Variants in FSTL5 observed in about 807,000 individuals in gnomAD.
FSTL5 encodes follistatin-related protein 5.
FSTL5 carries 62 observed loss-of-function variants against 89.1 expected under a neutral mutation model. That is an observed-to-expected ratio of 0.70 (90% CI 0.57 to 0.86). The LOEUF (loss-of-function observed/expected upper bound fraction) is 0.86. FSTL5 is among the 40% of genes least tolerant of loss of function. The pLI is 0.00. For missense variants in FSTL5, 1,057 were observed against 1,001.6 expected, an observed-to-expected ratio of 1.06 and a Z score of -0.75; for synonymous variants, 383 against 346.2, an observed-to-expected ratio of 1.11 and a Z score of -1.18.
chr4:161,634,041 T>A (rs1207889049), intron 7 of FSTL5, among the ~76,000 whole-genome samples: 1 of 152,220 alleles, frequency 6.6e-6, no homozygotes, highest in African/African-American at 2.4e-5. Context: ...CAAATCAACA[T>A]TCTTATTCAC....
chr4:162,161,208 A>G (rs1733683488), intron 1 of FSTL5, among the ~76,000 whole-genome samples: 1 of 151,840 alleles, frequency 6.6e-6, no homozygotes, highest in African/African-American at 2.4e-5. Flanking sequence ...AATCCTTTAC[A>G]TTTTACATGA....
intron 15 of FSTL5, among the ~76,000 whole-genome samples, chr4:161,430,728 C>T (rs184938916): frequency 5.6e-4 from 85 of 151,938 alleles, no homozygotes; most frequent in Non-Finnish European, 9.7e-4. Flanking sequence ...CGACAGAGCG[C>T]GACTCCGTCA....
At chr4:162,115,464 C>T (rs143172220) in intron 1 of FSTL5, among the ~76,000 whole-genome samples, 147 of 152,212 alleles carry the variant, frequency 9.7e-4, no homozygotes, top group African/African-American at 3.4e-3. Context: ...GTATAGTAAC[C>T]TCTGACAACC....
At chr4:161,832,732 T>C (rs968536657) in intron 4 of FSTL5, among the ~76,000 whole-genome samples, 11 of 152,024 alleles carry the variant, frequency 7.2e-5, no homozygotes, top group Non-Finnish European at 1.3e-4. Flanking sequence ...TGATATCCCC[T>C]TTATCATTTT....
chr4:161,537,520 C>A (rs1429140718), intron 10 of FSTL5, among the ~76,000 whole-genome samples: 2 of 152,148 alleles, frequency 1.3e-5, no homozygotes, highest in Non-Finnish European at 2.9e-5. Context: ...TCCTCAGCAT[C>A]CCCACCCTAT....
chr4:161,974,450 T>A (rs1467797742), intron 3 of FSTL5, among the ~76,000 whole-genome samples: 5 of 136,932 alleles, frequency 3.7e-5, no homozygotes, highest in African/African-American at 1.1e-4. Flanking sequence ...TAACGCCGCA[T>A]ATCTACAACT....
chr4:162,154,333 A>G (rs1733383833), intron 1 of FSTL5, among the ~76,000 whole-genome samples: 1 of 152,214 alleles, frequency 6.6e-6, no homozygotes, highest in Non-Finnish European at 1.5e-5. Flanking sequence ...ACAAGAAAAA[A>G]GTATCCATAG....
At chr4:161,930,126 G>T (rs1734246718) in intron 3 of FSTL5, among the ~76,000 whole-genome samples, 1 of 151,724 alleles carries the variant, frequency 6.6e-6, no homozygotes, top group Admixed American at 6.6e-5. Context: ...TTAACAAAAG[G>T]CACTGTGTTT....
intron 4 of FSTL5, among the ~76,000 whole-genome samples, chr4:161,828,818 C>T (rs1331098205): frequency 6.6e-6 from 1 of 151,894 alleles, no homozygotes; most frequent in Non-Finnish European, 1.5e-5. Flanking sequence ...ACAACACATG[C>T]TTATTAGTTT....
At chr4:162,077,149 T>C (rs1055816506) in intron 2 of FSTL5, among the ~76,000 whole-genome samples, 2 of 151,858 alleles carry the variant, frequency 1.3e-5, no homozygotes, top group Non-Finnish European at 2.9e-5. Flanking sequence ...ATCAAGGGGC[T>C]GGCAGCTTTC....
chr4:161,788,178 T>C (rs1246543101), intron 4 of FSTL5, among the ~76,000 whole-genome samples: 1 of 152,226 alleles, frequency 6.6e-6, no homozygotes, highest in Non-Finnish European at 1.5e-5. Context: ...TATGTTTCAA[T>C]GCATATATAC....
chr4:161,848,036 CAAAAAAAAAAAAAA>C (rs139315536), intron 4 of FSTL5, among the ~76,000 whole-genome samples: 1 of 48,202 alleles, frequency 2.1e-5, no homozygotes, highest in Non-Finnish European at 3.4e-5. Context: ...GACTCCGTCT[CAAAAAAAAAAAAAA>C]AAAAAAAAAA....
chr4:162,020,535 G>C (rs1393029854), intron 3 of FSTL5, among the ~76,000 whole-genome samples: 1 of 152,062 alleles, frequency 6.6e-6, no homozygotes, highest in Non-Finnish European at 1.5e-5. Flanking sequence ...AGCCTCAATA[G>C]ATGGGGACTA....
intron 7 of FSTL5, among the ~76,000 whole-genome samples, chr4:161,590,158 T>A (rs1733761211): frequency 6.6e-6 from 1 of 152,138 alleles, no homozygotes; most frequent in African/African-American, 2.4e-5. Context: ...AGAGATACCC[T>A]ATAGAGGAGA....
chr4:161,741,888 G>A (rs1030304440), intron 6 of FSTL5, among the ~76,000 whole-genome samples: 5 of 151,910 alleles, frequency 3.3e-5, no homozygotes, highest in Middle Eastern at 3.4e-3. Flanking sequence ...GTTTCACCAC[G>A]TTGCCCAAGA....
At chr4:161,509,863 T>C (rs72683745) in intron 11 of FSTL5, among the ~76,000 whole-genome samples, 11,427 of 152,182 alleles carry the variant, frequency 0.075, 561 homozygotes, top group Middle Eastern at 0.14. Context: ...GTTTATTGAG[T>C]GCTGTTAATA....
At chr4:162,011,324 C>T (rs895631016) in intron 3 of FSTL5, among the ~76,000 whole-genome samples, 3 of 152,022 alleles carry the variant, frequency 2.0e-5, no homozygotes, top group African/African-American at 7.2e-5. Flanking sequence ...TTCAAATTGG[C>T]CCCCACTCCC....
At chr4:162,046,407 G>A (rs190702503) in intron 2 of FSTL5, among the ~76,000 whole-genome samples, 3 of 152,182 alleles carry the variant, frequency 2.0e-5, no homozygotes, top group East Asian at 1.9e-4. Flanking sequence ...TAATTTACTC[G>A]GGGAAAAGAG....
chr4:161,815,296 T>C (rs1455688829), intron 4 of FSTL5, among the ~76,000 whole-genome samples: 2 of 152,100 alleles, frequency 1.3e-5, no homozygotes, highest in African/African-American at 2.4e-5. Context: ...TACAATATTA[T>C]GTGATAAATG....
Sources: gnomAD v4.1 joint callset for allele counts (sites outside exome capture counted in the v4.1 genomes callset) on GRCh38, gnomAD v4.1.1 for gene constraint, MANE v1.5 for transcripts, NCBI Gene and HGNC (gene_info 2026-07-23, HGNC 2026-07-21) for gene names.